RFX3: variants seen among roughly 807,000 people sequenced by gnomAD.
The protein encoded by RFX3 is regulatory factor X3.
RFX3 carries 14 observed loss-of-function variants against 98.6 expected under a neutral mutation model. The ratio of observed to expected loss-of-function variants is 0.14; its 90% confidence interval spans 0.09 to 0.22. The LOEUF (loss-of-function observed/expected upper bound fraction) is 0.22. RFX3 is among the 10% of genes least tolerant of loss of function. The pLI, the probability that RFX3 is intolerant of heterozygous loss-of-function variation, is 1.00. For missense variants in RFX3, 639 were observed against 926.9 expected (o/e 0.69, Z 4.03); for synonymous variants, 383 against 328.4 (o/e 1.17, Z -1.80).
At chr9:3,475,160 T>C (rs1849124512) in intron 1 of RFX3, among the ~76,000 whole-genome samples, 1 of 151,380 alleles carries the variant, frequency 6.6e-6, no homozygotes, top group South Asian at 2.1e-4. Flanking sequence ...GGTTGCCAAC[T>C]ATAAACAGTT....
intron 1 of RFX3, among the ~76,000 whole-genome samples, chr9:3,408,322 T>C (rs1842142821): frequency 6.6e-6 from 1 of 152,076 alleles, no homozygotes; most frequent in Non-Finnish European, 1.5e-5. Context: ...CCCATAGCAA[T>C]CCCATAGGTA....
At chr9:3,312,574 A>T (rs909777946) in intron 4 of RFX3, among the ~76,000 whole-genome samples, 12 of 141,670 alleles carry the variant, frequency 8.5e-5, no homozygotes, top group Admixed American at 3.6e-4. Context: ...ATCCTCAATT[A>T]AAAAAAAAAA....
At chr9:3,287,114 T>C (rs937432049) in intron 7 of RFX3, among the ~76,000 whole-genome samples, 1 of 151,946 alleles carries the variant, frequency 6.6e-6, no homozygotes, top group Non-Finnish European at 1.5e-5. Flanking sequence ...GTCTTATCTC[T>C]GCATGCAGGG....
chr9:3,378,510 T>C (rs891835153), intron 2 of RFX3, among the ~76,000 whole-genome samples: 4 of 151,640 alleles, frequency 2.6e-5, no homozygotes, highest in African/African-American at 7.3e-5. Flanking sequence ...TAAAAATAAA[T>C]AGAAATAAAA....
intron 3 of RFX3, among the ~76,000 whole-genome samples, chr9:3,341,388 AAAACTT>A (rs1261043048): frequency 6.7e-6 from 1 of 149,996 alleles, no homozygotes; most frequent in African/African-American, 2.5e-5. Context: ...CATGTACCCT[AAAACTT>A]AAAGTATAAT....
At chr9:3,352,149 A>C (rs1458588833) in intron 2 of RFX3, among the ~76,000 whole-genome samples, 1 of 152,022 alleles carries the variant, frequency 6.6e-6, no homozygotes, top group Non-Finnish European at 1.5e-5. Flanking sequence ...TAAGTTTAAA[A>C]AGTATGTTGT....
chr9:3,523,327 G>C (rs1462002947), intron 1 of RFX3, among the ~76,000 whole-genome samples: 1 of 152,136 alleles, frequency 6.6e-6, no homozygotes, highest in African/African-American at 2.4e-5. Flanking sequence ...TATTAAGAAA[G>C]AATAAAGTAA....
At chr9:3,501,610 G>A (rs750745406) in intron 1 of RFX3, among the ~76,000 whole-genome samples, 1 of 142,240 alleles carries the variant, frequency 7.0e-6, no homozygotes, top group Non-Finnish European at 1.5e-5. Flanking sequence ...AGGCTGGAGT[G>A]CAGTGGTGCA....
At chr9:3,324,640 T>A (rs1831703310) in intron 4 of RFX3, among the ~76,000 whole-genome samples, 2 of 151,524 alleles carry the variant, frequency 1.3e-5, no homozygotes, top group Admixed American at 6.6e-5. Flanking sequence ...GCTTGAATAT[T>A]CTGCTAGAAT....
At position 3,330,269 on chromosome 9, in the gene RFX3, G is replaced by A. The variant is rs753153081; in HGVS notation, c.464C>T (p.Ser155Phe). 6.2e-6 allele frequency: 10 copies of A among 1,613,920 alleles called. No homozygotes were observed. Among genetic ancestry groups the A allele is most frequent in the South Asian group, 2.2e-5 (2 of 91,078 alleles). Residue 155 changes from serine to phenylalanine, a missense_variant, in exon 4 of 17, where the codon TCC becomes TTC. By Grantham distance (155) the Ser-to-Phe change is radical. Around this residue, in one of 9 missense-constraint regions of RFX3, gnomAD observed 210 missense variants for 197.7 expected, o/e 1.06. Coordinates refer to ENST00000617270, the MANE Select transcript of RFX3 (RefSeq NM_001282116.2). ...GHSVTHTTRA[S>F]PATIEMAIET... The stretch of plus-strand genomic sequence containing the variant: ...AATTCAAATACTTACTGTCGCTGGG[G>A]AGGCCCGAGTTGTGTGTGTCACTGA...
chr9:3,432,990 A>T (rs984830255), intron 1 of RFX3, among the ~76,000 whole-genome samples: 8 of 152,156 alleles, frequency 5.3e-5, no homozygotes, highest in Non-Finnish European at 1.0e-4. Context: ...TTAGCGTGTA[A>T]GTTTACCAAA....
At chr9:3,518,102 G>T (rs762433311) in intron 1 of RFX3, among the ~76,000 whole-genome samples, 5 of 152,294 alleles carry the variant, frequency 3.3e-5, no homozygotes, top group Admixed American at 6.5e-5. Flanking sequence ...TTATAGACGA[G>T]AACAATATGC....
chr9:3,294,217 A>T (rs896265500), intron 5 of RFX3, among the ~76,000 whole-genome samples: 1 of 152,154 alleles, frequency 6.6e-6, no homozygotes, highest in Admixed American at 6.6e-5. Context: ...TATTGTCTCC[A>T]TGCCTGAGTC....
At chr9:3,398,115 T>C (rs566304479) in intron 1 of RFX3, among the ~76,000 whole-genome samples, 2 of 152,256 alleles carry the variant, frequency 1.3e-5, no homozygotes, top group African/African-American at 4.8e-5. Context: ...TATTTAAATG[T>C]AGTACTGATC....
chr9:3,277,653 G>T (rs1223767540), intron 7 of RFX3, among the ~76,000 whole-genome samples, 192 bp from the exon 8 acceptor site: 1 of 151,876 alleles, frequency 6.6e-6, no homozygotes, highest in Non-Finnish European at 1.5e-5. Context: ...AGAAAAAAGG[G>T]GAGAAGGGAT....
At chr9:3,258,769 C>A (rs571870849) in intron 13 of RFX3, among the ~76,000 whole-genome samples, 1 of 151,834 alleles carries the variant, frequency 6.6e-6, no homozygotes, top group Admixed American at 6.6e-5. Flanking sequence ...TCAAACTTTT[C>A]ACATGCATAT....
At chr9:3,419,304 C>A (rs905448912) in intron 1 of RFX3, among the ~76,000 whole-genome samples, 1 of 152,282 alleles carries the variant, frequency 6.6e-6, no homozygotes. Flanking sequence ...TTTATAATAT[C>A]TTCCAAGTAT....
At chr9:3,452,031 C>A (rs1337025255) in intron 1 of RFX3, among the ~76,000 whole-genome samples, 1 of 152,132 alleles carries the variant, frequency 6.6e-6, no homozygotes, top group African/African-American at 2.4e-5. Flanking sequence ...CATCTGAGTT[C>A]TGCTCTACCT....
Position 3,224,074 on chromosome 9 carries a change from G to T in RFX3, c.*968C>A, listed in dbSNP as rs905177828. On this transcript the variant is annotated 3_prime_UTR_variant, in exon 17 of 17. Coordinates refer to ENST00000617270, the MANE Select transcript of RFX3 (RefSeq NM_001282116.2). ...TTCTCGTTTATAATAGCAGCATATT[G>T]AACTACTATTAGGAAAAAGACCTGG... 1.3e-5 allele frequency: 2 copies of T among 151,946 alleles called. No homozygotes were observed. Among genetic ancestry groups the T allele is most frequent in the African/African-American group, 4.8e-5 (2 of 41,340 alleles). 9.4% of individuals were successfully genotyped at this position (151,946 alleles called of 1,614,324 possible).
Sources: gnomAD v4.1 joint callset for allele counts (sites outside exome capture counted in the v4.1 genomes callset) on GRCh38, gnomAD v4.1.1 for gene constraint, gnomAD v4.1.1 regional missense constraint, MANE v1.5 for transcripts, NCBI Gene and HGNC (gene_info 2026-07-23, HGNC 2026-07-21) for gene names.